Variants in LMNTD1 observed in about 807,000 individuals in gnomAD.
The protein encoded by LMNTD1 is lamin tail domain-containing protein 1.
In LMNTD1, 35 loss-of-function variants were observed where a neutral mutation model predicts 50.9. That is an observed-to-expected ratio of 0.69 (90% CI 0.53 to 0.91). The LOEUF (loss-of-function observed/expected upper bound fraction) is 0.91. Ranked by LOEUF, LMNTD1 falls within the 40% of genes least tolerant of loss-of-function variation. The pLI, the probability that LMNTD1 is intolerant of heterozygous loss-of-function variation, is 0.00. For synonymous variants in LMNTD1, 153 were observed against 161.9 expected (o/e 0.94, Z 0.42); for missense variants, 470 against 475.5 (o/e 0.99, Z 0.11).
At chr12:25,492,151 A>G (rs540679831) in intron 9 of LMNTD1, among the ~76,000 whole-genome samples, 168 of 152,236 alleles carry the variant, frequency 1.1e-3, no homozygotes, top group Non-Finnish European at 2.2e-3. Context: ...TTAGAAGAAC[A>G]TATCAGTCAA....
intron 9 of LMNTD1, among the ~76,000 whole-genome samples, chr12:25,484,989 G>A (rs1354151231): frequency 6.6e-6 from 1 of 152,010 alleles, no homozygotes; most frequent in Non-Finnish European, 1.5e-5. Flanking sequence ...CTTTATAGCT[G>A]CATGATTTAT....
intron 8 of LMNTD1, among the ~76,000 whole-genome samples, chr12:25,505,347 C>A (rs1307454622): frequency 6.6e-6 from 1 of 152,022 alleles, no homozygotes; most frequent in Non-Finnish European, 1.5e-5. Context: ...ATTTAAAACA[C>A]TTGTTTTGTA....
intron 1 of LMNTD1, among the ~76,000 whole-genome samples, chr12:25,577,642 G>A (rs1352997947): frequency 6.6e-6 from 1 of 152,144 alleles, no homozygotes; most frequent in African/African-American, 2.4e-5. Context: ...GGGACAATTT[G>A]ACTTCCTCTT....
At chr12:25,571,067 G>A (rs1165054753) in intron 1 of LMNTD1, among the ~76,000 whole-genome samples, 2 of 152,176 alleles carry the variant, frequency 1.3e-5, no homozygotes, top group African/African-American at 2.4e-5. Context: ...TTGGTTTAAT[G>A]ATCTGTTGTT....
At chr12:25,558,121 G>A (rs146975897), upstream of LMNTD1, among the ~76,000 whole-genome samples, 31 of 152,270 alleles carry the variant, frequency 2.0e-4, no homozygotes, top group African/African-American at 7.0e-4. Flanking sequence ...ATCAGTATCA[G>A]TTGTAATGTC....
At chr12:25,619,252 C>CTATATATATATATATATATA (rs71450756) in intron 1 of LMNTD1, among the ~76,000 whole-genome samples, 17 of 84,378 alleles carry the variant, frequency 2.0e-4, no homozygotes, top group Admixed American at 5.7e-4. Context: ...CTCTCTCTCT[C>CTATATATATATATATATATA]TATATATATA....
intron 4 of LMNTD1, among the ~76,000 whole-genome samples, chr12:25,535,428 A>C (rs1942514757): frequency 6.6e-6 from 1 of 152,094 alleles, no homozygotes; most frequent in South Asian, 2.1e-4. Flanking sequence ...ATTTTCCCAA[A>C]TTTTTAAAAT....
Position 25,546,492 on chromosome 12 carries a change from C to T in LMNTD1, c.373G>A (p.Asp125Asn). 1.3e-6 allele frequency: 2 copies of T among 1,595,668 alleles called. No homozygotes were observed. The highest frequency in any genetic ancestry group is 2.3e-5 in the South Asian group (2 of 88,518). The change falls in exon 4 of 10, where the codon GAT becomes AAT. Residue 125 changes from aspartate (D) to asparagine (N), a missense_variant. Transcript: ENST00000458174. ...TCACCAAACAAAGAAAGGAAATAATCTTCTCCATCCCCAATCATGGGTGAT... is the reference window on the plus strand; with the variant it reads ...TCACCAAACAAAGAAAGGAAATAATTTTCTCCATCCCCAATCATGGGTGAT... ...DESPMIGDGEDYFLSLFGDSK... is the reference protein window; with the variant it reads ...DESPMIGDGENYFLSLFGDSK...
intron 1 of LMNTD1, chr12:25,630,747 A>AGGC (rs1483520525): frequency 1.3e-5 from 2 of 152,420 alleles, no homozygotes; most frequent in African/African-American, 2.4e-5. Flanking sequence ...CAGGAGGAGG[A>AGGC]GGCAGAAAAC....
chr12:25,523,642 G>T (rs114190749), intron 6 of LMNTD1, among the ~76,000 whole-genome samples: 2,846 of 152,278 alleles, frequency 0.019, 69 homozygotes, highest in African/African-American at 0.055. Flanking sequence ...CCAGTGCTAT[G>T]AAAGTGAGAA....
upstream of LMNTD1, chr12:25,553,337 T>C (rs1200365684): frequency 6.5e-6 from 7 of 1,071,694 alleles, no homozygotes; most frequent in Non-Finnish European, 8.6e-6. Context: ...AATGTCTCCA[T>C]AGTAACCAAG....
intron 1 of LMNTD1, among the ~76,000 whole-genome samples, chr12:25,590,864 T>C (rs1359348560): frequency 6.6e-6 from 1 of 152,128 alleles, no homozygotes; most frequent in Admixed American, 6.5e-5. Context: ...GACCTAATCC[T>C]GGAAAAATTC....
chr12:25,537,933 C>T (rs1037870252), intron 4 of LMNTD1, among the ~76,000 whole-genome samples: 3 of 147,800 alleles, frequency 2.0e-5, no homozygotes, highest in Non-Finnish European at 4.5e-5. Flanking sequence ...AATGCAGAAG[C>T]CTCAGGAGCC....
At chr12:25,559,866 A>G (rs1233404661) in intron 1 of LMNTD1, among the ~76,000 whole-genome samples, 1 of 152,100 alleles carries the variant, frequency 6.6e-6, no homozygotes, top group Non-Finnish European at 1.5e-5. Flanking sequence ...GTCTGTTCAT[A>G]TCCTTTGCCC....
At chr12:25,581,272 GTTGTT>G in intron 1 of LMNTD1, among the ~76,000 whole-genome samples, 1 of 152,280 alleles carries the variant, frequency 6.6e-6, no homozygotes, top group Admixed American at 6.5e-5. Flanking sequence ...CAGAACTACT[GTTGTT>G]TTATCTCCAA....
At chr12:25,564,594 G>A (rs1169565729) in intron 1 of LMNTD1, among the ~76,000 whole-genome samples, 1 of 152,082 alleles carries the variant, frequency 6.6e-6, no homozygotes, top group Non-Finnish European at 1.5e-5. Context: ...CAGAGAAGAT[G>A]CTAGACATTA....
At chr12:25,629,554 G>A (rs965249676) in intron 1 of LMNTD1, among the ~76,000 whole-genome samples, 2 of 152,154 alleles carry the variant, frequency 1.3e-5, no homozygotes, top group African/African-American at 4.8e-5. Context: ...GTTAATCCAA[G>A]GGAGTTCCAA....
chr12:25,615,853 T>C (rs772064290), intron 1 of LMNTD1, among the ~76,000 whole-genome samples: 31 of 152,312 alleles, frequency 2.0e-4, no homozygotes, highest in Middle Eastern at 3.4e-3. Context: ...TTTACTAAAG[T>C]AGATTTTTTA....
intron 4 of LMNTD1, among the ~76,000 whole-genome samples, chr12:25,531,747 C>T (rs1942241154): frequency 6.6e-6 from 1 of 152,128 alleles, no homozygotes; most frequent in South Asian, 2.1e-4. Context: ...AATCTTTCTT[C>T]TCCTTCAGTG....
Sources: gnomAD v4.1 joint callset for allele counts (sites outside exome capture counted in the v4.1 genomes callset) on GRCh38, gnomAD v4.1.1 for gene constraint, MANE v1.5 for transcripts, NCBI Gene and HGNC (gene_info 2026-07-23, HGNC 2026-07-21) for gene names.